Variants in ADGRD1 observed in about 807,000 individuals in gnomAD.
ADGRD1 encodes the protein G-protein coupled receptor 133.
A neutral mutation model predicts 113.4 loss-of-function variants in ADGRD1; 77 were observed. The ratio of observed to expected loss-of-function variants is 0.68; its 90% CI spans 0.57 to 0.82. The LOEUF is 0.82. Among genes scored for constraint, ADGRD1 ranks in the 40% least tolerant of loss-of-function variants. The probability of loss-of-function intolerance (pLI) is 0.00; values close to 1 mark genes in which losing one functional copy is unlikely to be tolerated. For synonymous variants in ADGRD1, 474 were observed against 475.0 expected, an observed-to-expected ratio of 1.00 and a Z score of 0.03; for missense variants, 1,036 against 1,139.1, an observed-to-expected ratio of 0.91 and a Z score of 1.30.
intron 13 of ADGRD1, among the ~76,000 whole-genome samples, chr12:131,044,719 G>C (rs12316155): frequency 0.47 from 71,008 of 151,958 alleles, 17,475 homozygotes; most frequent in Non-Finnish European, 0.55. Flanking sequence ...CCATTGGAAA[G>C]CTCTGGGTGT....
At chr12:131,109,228 T>G (rs1950298727) in intron 18 of ADGRD1, among the ~76,000 whole-genome samples, 2 of 152,232 alleles carry the variant, frequency 1.3e-5, no homozygotes, top group South Asian at 4.1e-4. Context: ...TTGATTTTCT[T>G]TTTTGTTTTT....
chr12:131,132,627 C>T (rs1458187231), intron 21 of ADGRD1, among the ~76,000 whole-genome samples: 2 of 152,188 alleles, frequency 1.3e-5, no homozygotes, highest in Non-Finnish European at 2.9e-5. Context: ...TTCAGGCCCA[C>T]GGGGGAGTCC....
rs1001467178 is a variant in ADGRD1, at chr12:131,139,249, C to T, written c.2611C>T (p.Leu871=). 2 of 1,612,318 alleles carry T rather than the reference C, an allele frequency of 1.2e-6. No individual in the cohort carries two copies. Among genetic ancestry groups the T allele is most frequent in the East Asian group, 4.5e-5 (2 of 44,870 alleles). The change falls in exon 25 of 25, where the codon CTG becomes TTG. Residue 871 remains leucine (L), a synonymous_variant. Transcript: ENST00000261654. ...CAGCCACTCTGCCCACCGCGTCGAC[C>T]TGTCAGCCGTGTGAGCCGGGAGGCT... is the stretch of plus-strand genomic sequence containing the variant. ...KSSHSAHRVD[L]SAV is the part of the protein sequence containing the mutation.
intron 12 of ADGRD1, among the ~76,000 whole-genome samples, chr12:131,009,315 C>T (rs115322525): frequency 0.011 from 1,636 of 152,270 alleles, 39 homozygotes; most frequent in African/African-American, 0.035. Flanking sequence ...GCTGTGGTTT[C>T]GATTGCAAGG....
At chr12:131,068,802 GAAAC>G (rs1884926091) in intron 13 of ADGRD1, among the ~76,000 whole-genome samples, 1 of 152,232 alleles carries the variant, frequency 6.6e-6, no homozygotes, top group Non-Finnish European at 1.5e-5. Context: ...AAGAAAAAAA[GAAAC>G]AACCTTTAAA....
intron 8 of ADGRD1, among the ~76,000 whole-genome samples, chr12:130,997,369 G>A: frequency 6.6e-6 from 1 of 151,040 alleles, no homozygotes; most frequent in Non-Finnish European, 1.5e-5. Context: ...TTCCCAGACG[G>A]GGTGGCTGCC....
intron 3 of ADGRD1, chr12:130,968,142 C>G (rs968099374): frequency 7.2e-5 from 11 of 152,202 alleles, no homozygotes; most frequent in Admixed American, 6.5e-4. Flanking sequence ...CACCCCTATA[C>G]CTGAACTCAT....
At position 130,982,658 on chromosome 12, in the gene ADGRD1, A is replaced by G. The variant is rs192622760; in HGVS notation, c.490+595A>G. Among the ~76,000 whole-genome samples the G allele has an allele frequency of 8.5e-5, 13 of 152,288 alleles. No individual in the cohort carries two copies. In the East Asian group the frequency reaches 2.5e-3, roughly 29 times the overall value. On this transcript the variant is annotated intron_variant, in intron 5 of 24. Coordinates refer to ENST00000261654, the MANE Select transcript of ADGRD1 (RefSeq NM_198827.5). ...AGAGGAAGGGGCTAGGGGAGAGCGCATGAAGCACTGGACTGTGCGTGGTCT... is the reference window on the plus strand; with the variant it reads ...AGAGGAAGGGGCTAGGGGAGAGCGCGTGAAGCACTGGACTGTGCGTGGTCT...
chr12:131,118,596 A>G, intron 19 of ADGRD1, 145 bp downstream of exon 19: 2 of 586,244 alleles, frequency 3.4e-6, no homozygotes, highest in Non-Finnish European at 6.1e-6. Context: ...CCGGTGAGAA[A>G]GTCGTGGTCC....
chr12:130,981,722 G>A (rs183294368), intron 4 of ADGRD1, among the ~76,000 whole-genome samples, 162 bp from the exon 5 acceptor site: 3 of 152,188 alleles, frequency 2.0e-5, no homozygotes, highest in African/African-American at 7.2e-5. Flanking sequence ...ATAAACATGA[G>A]CAAATATCAC....
chr12:131,009,059 G>A (rs1877544504), intron 12 of ADGRD1, among the ~76,000 whole-genome samples: 1 of 152,226 alleles, frequency 6.6e-6, no homozygotes, highest in African/African-American at 2.4e-5. Flanking sequence ...GGACCTCACC[G>A]ACCTGCAGAG....
In ADGRD1 at chr12:130,966,645, C is replaced by T; in HGVS notation, c.187+99C>T. 1 of 775,840 alleles carries T rather than the reference C, an allele frequency of 1.3e-6. No individual in the cohort carries two copies. 48.1% of individuals were successfully genotyped at this position (775,840 alleles called of 1,614,324 possible). On this transcript the variant is annotated intron_variant, in intron 3 of 24. Transcript: ENST00000261654. The surrounding 1 kb of genome is among the most constrained non-coding windows in gnomAD (Gnocchi z 4.6). Reference sequence around the variant, plus strand: ...GTGGCTGGCCTTGAAATCCCAGGGCCATTGGGGGACGTGGGTGCTGAGAGT... The same window carrying T: ...GTGGCTGGCCTTGAAATCCCAGGGCTATTGGGGGACGTGGGTGCTGAGAGT...
At chr12:131,109,665 T>C (rs954655211) in intron 18 of ADGRD1, among the ~76,000 whole-genome samples, 1 of 152,248 alleles carries the variant, frequency 6.6e-6, no homozygotes, top group Non-Finnish European at 1.5e-5. Flanking sequence ...GTATCTATCC[T>C]GGAAAGTGTT....
chr12:131,125,758 T>C (rs1950724766), intron 20 of ADGRD1, among the ~76,000 whole-genome samples: 1 of 152,210 alleles, frequency 6.6e-6, no homozygotes, highest in Admixed American at 6.5e-5. Context: ...TGAAAATGCA[T>C]TTAATACATA....
At chr12:131,036,116 T>TGGGGACAGCA (rs1227737191) in intron 13 of ADGRD1, among the ~76,000 whole-genome samples, 1 of 152,140 alleles carries the variant, frequency 6.6e-6, no homozygotes, top group Admixed American at 6.5e-5. Flanking sequence ...TGGAGAGGCA[T>TGGGGACAGCA]GGGGACAGCA....
intron 13 of ADGRD1, among the ~76,000 whole-genome samples, chr12:131,043,526 C>G (rs1882356258): frequency 6.6e-6 from 1 of 152,254 alleles, no homozygotes; most frequent in African/African-American, 2.4e-5. Flanking sequence ...CCATGCAGGC[C>G]TCTCCCCTGC....
chr12:130,984,805 C>T lies in ADGRD1; in HGVS notation c.491-2290C>T, dbSNP rs187208875. 7.7e-3 allele frequency among the ~76,000 whole-genome samples: 1,156 copies of T among 150,362 alleles called. 12 individuals are homozygous for T. Among genetic ancestry groups the T allele is most frequent in the African/African-American group, 0.027 (1,109 of 40,936 alleles). On this transcript the variant is annotated intron_variant, in intron 5 of 24. Coordinates refer to ENST00000261654, the MANE Select transcript of ADGRD1 (RefSeq NM_198827.5). This position sits in a 1 kb window ranked among gnomAD's most constrained non-coding sequence, Gnocchi z 4.1. ...CTCTCTCTTTTCCTTCTTTCCCTCC[C>T]TCCCTTCCTCCCTCCCTTCCTTCCT... is the stretch of plus-strand genomic sequence containing the variant.
At chr12:131,052,942 G>A (rs1883534757) in intron 13 of ADGRD1, among the ~76,000 whole-genome samples, 1 of 152,200 alleles carries the variant, frequency 6.6e-6, no homozygotes, top group African/African-American at 2.4e-5. Flanking sequence ...TCTGCCAGGT[G>A]CATTCAAGAG....
chr12:131,136,358 G>T (rs145852598), intron 22 of ADGRD1, among the ~76,000 whole-genome samples, 195 bp downstream of exon 22: 1 of 152,246 alleles, frequency 6.6e-6, no homozygotes, highest in Non-Finnish European at 1.5e-5. Flanking sequence ...CCTTCAGGGC[G>T]GGGCTGCCTA....
Sources: gnomAD v4.1 joint callset for allele counts (sites outside exome capture counted in the v4.1 genomes callset) on GRCh38, gnomAD v4.1.1 for gene constraint, Gnocchi (gnomAD v3.1) non-coding constraint, MANE v1.5 for transcripts, NCBI Gene and HGNC (gene_info 2026-07-23, HGNC 2026-07-21) for gene names.